Variants in SUGCT observed in about 807,000 individuals in gnomAD.
The protein encoded by SUGCT is succinyl-CoA:glutarate CoA-transferase.
Under a neutral mutation model 55.0 loss-of-function variants are expected in SUGCT, and 41 were observed. The ratio of observed to expected loss-of-function variants is 0.74; its 90% CI spans 0.58 to 0.97. The LOEUF (loss-of-function observed/expected upper bound fraction) is 0.97. Among genes scored for constraint, SUGCT ranks in the 50% least tolerant of loss-of-function variants. SUGCT has a pLI of 0.00. For synonymous variants in SUGCT, 187 were observed against 200.4 expected, an observed-to-expected ratio of 0.93 and a Z score of 0.56; for missense variants, 568 against 547.8, an observed-to-expected ratio of 1.04 and a Z score of -0.37.
At chr7:40,505,638 C>T (rs754096572) in intron 12 of SUGCT, among the ~76,000 whole-genome samples, 1 of 151,940 alleles carries the variant, frequency 6.6e-6, no homozygotes, top group Non-Finnish European at 1.5e-5. Context: ...TACACACTTC[C>T]TTTTTGTATG....
intron 11 of SUGCT, among the ~76,000 whole-genome samples, chr7:40,460,898 C>T (rs1198861228): frequency 1.3e-5 from 2 of 152,094 alleles, no homozygotes; most frequent in Non-Finnish European, 1.5e-5. Flanking sequence ...AAGGAAGAGA[C>T]GGGGCAGGCG....
chr7:40,402,465 T>C (rs558280747), intron 9 of SUGCT, among the ~76,000 whole-genome samples: 1 of 152,292 alleles, frequency 6.6e-6, no homozygotes, highest in African/African-American at 2.4e-5. Context: ...GAGGAAAAGA[T>C]TTTCTTTTTC....
chr7:40,907,431 C>T, the SUGCT span, among the ~76,000 whole-genome samples: 1 of 152,106 alleles, frequency 6.6e-6, no homozygotes, highest in African/African-American at 2.4e-5. Context: ...TAATAATACT[C>T]GTTTAATATA....
chr7:40,936,710 C>A, the SUGCT span, among the ~76,000 whole-genome samples: 1 of 151,708 alleles, frequency 6.6e-6, no homozygotes, highest in Non-Finnish European at 1.5e-5. Context: ...AGATTGTCTT[C>A]TTTTTCTATA....
At chr7:40,952,175 T>C in the SUGCT span, among the ~76,000 whole-genome samples, 1 of 152,224 alleles carries the variant, frequency 6.6e-6, no homozygotes, top group African/African-American at 2.4e-5. Context: ...AGTTAGCTCT[T>C]CTTGTTGCAT....
intron 11 of SUGCT, among the ~76,000 whole-genome samples, chr7:40,468,045 T>A (rs939733585): frequency 6.6e-6 from 1 of 151,870 alleles, no homozygotes; most frequent in African/African-American, 2.4e-5. Context: ...TTGTTCTGCG[T>A]TGTGGGTAAT....
At chr7:40,663,887 A>C (rs193293811) in intron 12 of SUGCT, among the ~76,000 whole-genome samples, 1 of 152,272 alleles carries the variant, frequency 6.6e-6, no homozygotes, top group Admixed American at 6.5e-5. Flanking sequence ...CACATATTGA[A>C]GTCCTATCCC....
At chr7:40,607,677 G>T (rs961498750) in intron 12 of SUGCT, among the ~76,000 whole-genome samples, 9 of 152,140 alleles carry the variant, frequency 5.9e-5, no homozygotes, top group African/African-American at 2.2e-4. Flanking sequence ...CAATAATAAT[G>T]ACAACAATAA....
chr7:40,676,876 T>A (rs921779271), intron 12 of SUGCT, among the ~76,000 whole-genome samples: 3 of 149,352 alleles, frequency 2.0e-5, no homozygotes, highest in African/African-American at 7.5e-5. Context: ...AACATACAAA[T>A]GCAAACTTTC....
chr7:41,032,478 T>C, the SUGCT span, among the ~76,000 whole-genome samples: 1 of 151,966 alleles, frequency 6.6e-6, no homozygotes, highest in Non-Finnish European at 1.5e-5. Flanking sequence ...TGTCTTCCTC[T>C]TTTTTTGCCT....
chr7:40,481,865 C>G (rs987583111), intron 11 of SUGCT, among the ~76,000 whole-genome samples: 1 of 152,086 alleles, frequency 6.6e-6, no homozygotes, highest in Non-Finnish European at 1.5e-5. Context: ...TCACAAAGGG[C>G]TTTATTTTTC....
the SUGCT span, among the ~76,000 whole-genome samples, chr7:40,974,353 G>T: frequency 3.3e-5 from 5 of 152,290 alleles, no homozygotes; most frequent in East Asian, 1.9e-4. Context: ...AGGTGATAAA[G>T]GTTAAATAAG....
intron 8 of SUGCT, among the ~76,000 whole-genome samples, chr7:40,281,073 A>G (rs1366914020): frequency 6.6e-6 from 1 of 152,210 alleles, no homozygotes; most frequent in African/African-American, 2.4e-5. Context: ...GATGAAGATA[A>G]TTCATTATTC....
intron 13 of SUGCT, among the ~76,000 whole-genome samples, chr7:40,809,880 T>C (rs542305906): frequency 6.6e-6 from 1 of 152,266 alleles, no homozygotes; most frequent in Admixed American, 6.5e-5. Flanking sequence ...CATATGGTAT[T>C]TGGTTTTTTT....
chr7:40,503,019 G>T (rs549222390), intron 12 of SUGCT, among the ~76,000 whole-genome samples: 10 of 152,154 alleles, frequency 6.6e-5, no homozygotes, highest in African/African-American at 2.4e-4. Context: ...TCAAACAAAT[G>T]ATTTCTATAG....
chr7:40,957,886 TGTC>T, the SUGCT span, among the ~76,000 whole-genome samples: 1 of 152,284 alleles, frequency 6.6e-6, no homozygotes, highest in East Asian at 1.9e-4. Context: ...AGCATTAACT[TGTC>T]TGTAAAGGAT....
intron 6 of SUGCT, among the ~76,000 whole-genome samples, chr7:40,233,457 G>A (rs1308500743): frequency 2.6e-5 from 4 of 152,070 alleles, no homozygotes; most frequent in Non-Finnish European, 5.9e-5. Context: ...CTGACCTAGT[G>A]ATCCACCCAC....
chr7:40,270,403 T>A (rs979914078), intron 7 of SUGCT, among the ~76,000 whole-genome samples: 2 of 152,190 alleles, frequency 1.3e-5, no homozygotes, highest in African/African-American at 4.8e-5. Context: ...CTCTTAAGTT[T>A]AGATTTTTGG....
At chr7:40,290,682 G>A (rs949544653) in intron 8 of SUGCT, among the ~76,000 whole-genome samples, 169 of 152,260 alleles carry the variant, frequency 1.1e-3, no homozygotes, top group African/African-American at 3.7e-3. Flanking sequence ...AAGAGCTTCT[G>A]CACAGCAAAA....
Sources: gnomAD v4.1 joint callset for allele counts (sites outside exome capture counted in the v4.1 genomes callset) on GRCh38, gnomAD v4.1.1 for gene constraint, MANE v1.5 for transcripts, NCBI Gene and HGNC (gene_info 2026-07-23, HGNC 2026-07-21) for gene names.